The following CAMK1D variants were observed in gnomAD, a reference collection of about 807,000 sequenced individuals.
CAMK1D encodes the protein calcium/calmodulin dependent protein kinase ID.
Under a neutral mutation model 47.7 loss-of-function variants are expected in CAMK1D, and 9 were observed. The ratio of observed to expected loss-of-function variants is 0.19; its 90% CI spans 0.11 to 0.33. The LOEUF is 0.33. CAMK1D is among the 10% of genes least tolerant of loss of function. The probability of loss-of-function intolerance (pLI) is 1.00; values close to 1 mark genes in which losing one functional copy is unlikely to be tolerated. For synonymous variants in CAMK1D, 184 were observed against 184.9 expected, an observed-to-expected ratio of 0.99 and a Z score of 0.04; for missense variants, 291 against 488.7, an observed-to-expected ratio of 0.60 and a Z score of 3.81.
chr10:12,640,033 A>G (rs1341734477), intron 2 of CAMK1D, among the ~76,000 whole-genome samples: 1 of 152,228 alleles, frequency 6.6e-6, no homozygotes, highest in African/African-American at 2.4e-5. Flanking sequence ...GTCATGTTCT[A>G]CGAAGCTCCC....
chr10:12,635,569 C>T (rs1278386298), intron 2 of CAMK1D, among the ~76,000 whole-genome samples: 1 of 152,108 alleles, frequency 6.6e-6, no homozygotes, highest in East Asian at 1.9e-4. Flanking sequence ...GGACCCACGC[C>T]ATCTTGCTGG....
chr10:12,638,144 TTGAC>T (rs1265605050), intron 2 of CAMK1D, among the ~76,000 whole-genome samples: 1 of 152,126 alleles, frequency 6.6e-6, no homozygotes, highest in African/African-American at 2.4e-5. Flanking sequence ...AACTCACTCT[TTGAC>T]TGGAAGTACA....
chr10:12,424,467 A>T (rs1449004669), intron 1 of CAMK1D, among the ~76,000 whole-genome samples: 1 of 152,062 alleles, frequency 6.6e-6, no homozygotes, highest in Non-Finnish European at 1.5e-5. Flanking sequence ...ATTTTTAGGA[A>T]CGCCTTCCCT....
intron 8 of CAMK1D, among the ~76,000 whole-genome samples, chr10:12,823,318 ACT>A (rs1230956665): frequency 2.0e-5 from 3 of 151,542 alleles, no homozygotes; most frequent in Non-Finnish European, 4.4e-5. Flanking sequence ...GATTCATGAA[ACT>A]CTTTCTTAGC....
chr10:12,416,360 A>C (rs528157283), intron 1 of CAMK1D, among the ~76,000 whole-genome samples: 5 of 152,226 alleles, frequency 3.3e-5, no homozygotes, highest in Non-Finnish European at 7.3e-5. Flanking sequence ...TAGACAGATC[A>C]GCATTTTGTC....
chr10:12,638,044 G>A (rs909970805), intron 2 of CAMK1D, among the ~76,000 whole-genome samples: 1 of 152,138 alleles, frequency 6.6e-6, no homozygotes, highest in Admixed American at 6.5e-5. Context: ...GAGGACGGGG[G>A]GATTCCGATA....
intron 2 of CAMK1D, among the ~76,000 whole-genome samples, chr10:12,628,094 AAAC>A (rs1839276710): frequency 1.3e-5 from 2 of 151,974 alleles, no homozygotes; most frequent in Non-Finnish European, 2.9e-5. Context: ...AAAAAACAAA[AAAC>A]AAAAAACAAA....
At chr10:12,502,409 G>A (rs888268646) in intron 1 of CAMK1D, among the ~76,000 whole-genome samples, 1 of 152,106 alleles carries the variant, frequency 6.6e-6, no homozygotes, top group African/African-American at 2.4e-5. Context: ...GGTGTAGGGC[G>A]ATGAGGCGTC....
chr10:12,434,499 A>G (rs1588481416), intron 1 of CAMK1D, among the ~76,000 whole-genome samples: 1 of 152,210 alleles, frequency 6.6e-6, no homozygotes, highest in Non-Finnish European at 1.5e-5. Context: ...GCTTGGCTCC[A>G]GGCTCATAGA....
chr10:12,433,044 T>G (rs569895446), intron 1 of CAMK1D, among the ~76,000 whole-genome samples: 1 of 152,312 alleles, frequency 6.6e-6, no homozygotes, highest in South Asian at 2.1e-4. Flanking sequence ...CCAGATGTGT[T>G]CCGGGCATGG....
intron 1 of CAMK1D, among the ~76,000 whole-genome samples, chr10:12,452,735 A>C (rs1406316570): frequency 6.6e-6 from 1 of 151,856 alleles, no homozygotes; most frequent in Non-Finnish European, 1.5e-5. Context: ...ACAGGTATGC[A>C]CCACTATGCC....
At chr10:12,496,838 G>T (rs749375835) in intron 1 of CAMK1D, among the ~76,000 whole-genome samples, 1 of 152,124 alleles carries the variant, frequency 6.6e-6, no homozygotes, top group Non-Finnish European at 1.5e-5. Flanking sequence ...CCATCACCTA[G>T]GTATGAAGCC....
At chr10:12,352,867 A>G (rs923426126) in intron 1 of CAMK1D, among the ~76,000 whole-genome samples, 3 of 151,440 alleles carry the variant, frequency 2.0e-5, no homozygotes, top group Non-Finnish European at 4.4e-5. Flanking sequence ...CTCCCGAGTA[A>G]CTGGGACTAC....
chr10:12,480,782 A>T (rs956255620), intron 1 of CAMK1D, among the ~76,000 whole-genome samples: 33 of 152,240 alleles, frequency 2.2e-4, no homozygotes, highest in Admixed American at 3.3e-4. Context: ...ACTGCCTCTC[A>T]GGCATAGAGT....
intron 4 of CAMK1D, among the ~76,000 whole-genome samples, chr10:12,763,189 T>C (rs55772912): frequency 3.4e-3 from 525 of 152,316 alleles, no homozygotes; most frequent in Non-Finnish European, 6.2e-3. Flanking sequence ...TTCTGTGATC[T>C]CTTTTCAGAG....
At chr10:12,686,829 A>G (rs1381688590) in intron 3 of CAMK1D, among the ~76,000 whole-genome samples, 1 of 152,202 alleles carries the variant, frequency 6.6e-6, no homozygotes, top group Non-Finnish European at 1.5e-5. Flanking sequence ...AAGATTAAAC[A>G]GGCTCTATTT....
chr10:12,714,761 TACACACACACACAC>T (rs55827922), intron 3 of CAMK1D, among the ~76,000 whole-genome samples: 74 of 130,578 alleles, frequency 5.7e-4, no homozygotes, highest in African/African-American at 1.6e-3. Flanking sequence ...TACATTAAAT[TACACACACACACAC>T]ACACACACAC....
chr10:12,439,911 G>A (rs1465757417), intron 1 of CAMK1D, among the ~76,000 whole-genome samples: 1 of 152,216 alleles, frequency 6.6e-6, no homozygotes, highest in Admixed American at 6.5e-5. Flanking sequence ...AGGCAAGAGA[G>A]AGAATGAGAA....
At position 12,373,314 on chromosome 10, in the gene CAMK1D, AT is replaced by A. The variant is rs374344313; in HGVS notation, c.92+23405del. On this transcript the variant is annotated intron_variant, in intron 1 of 10. Transcript: ENST00000619168. ...GGTGACAGAGGGAGAGCCTGTCTCA[AT>A]AAAAAAGAAAAAAGATATTAAAAAA... 9.8e-3 allele frequency among the ~76,000 whole-genome samples: 1,471 copies of A among 150,170 alleles called. 34 individuals carry two copies. Among genetic ancestry groups the A allele is most frequent in the African/African-American group, 0.034 (1,368 of 40,814 alleles).
Sources: gnomAD v4.1 joint callset for allele counts (sites outside exome capture counted in the v4.1 genomes callset) on GRCh38, gnomAD v4.1.1 for gene constraint, MANE v1.5 for transcripts, NCBI Gene and HGNC (gene_info 2026-07-23, HGNC 2026-07-21) for gene names.